ARNT2: variants seen among roughly 807,000 people sequenced by gnomAD.
ARNT2 encodes the protein ARNT protein 2.
Under a neutral mutation model 91.7 loss-of-function variants are expected in ARNT2, and 36 were observed. The ratio of observed to expected loss-of-function variants is 0.39; its 90% confidence interval spans 0.30 to 0.52. The LOEUF (loss-of-function observed/expected upper bound fraction) is 0.52, where lower values mean the gene tolerates loss of function less well. ARNT2 is among the 20% of genes least tolerant of loss of function. The pLI, the probability that ARNT2 is intolerant of heterozygous loss-of-function variation, is 0.72. For missense variants in ARNT2, 775 were observed against 939.3 expected, an observed-to-expected ratio of 0.83 and a Z score of 2.29; for synonymous variants, 365 against 347.1, an observed-to-expected ratio of 1.05 and a Z score of -0.57.
Position 80,597,358 on chromosome 15 carries a change from G to A in ARNT2, c.*3660G>A, listed in dbSNP as rs60225999. On this transcript the variant is annotated 3_prime_UTR_variant, in exon 19 of 19. Coordinates refer to ENST00000303329, the MANE Select transcript of ARNT2 (RefSeq NM_014862.4). Reference sequence around the variant, plus strand: ...CTAGGAATAACAAGTCAGAATAGAAGTGTCCTTTATATTACCAGAAAATAT... The same window carrying A: ...CTAGGAATAACAAGTCAGAATAGAAATGTCCTTTATATTACCAGAAAATAT... 60,623 of 514,226 alleles carry A rather than the reference G, an allele frequency of 0.12. 4,465 individuals are homozygous for A. The highest frequency in any genetic ancestry group is 0.22 in the African/African-American group (11,177 of 51,692). The allele number at this position is 514,226 out of a possible 1,614,324, so 31.9% of individuals were successfully genotyped here. A position where few individuals can be genotyped will look rare whatever the true frequency, so the allele number is the denominator to read the frequency against.
At chr15:80,457,468 T>C (rs1896497236) in intron 2 of ARNT2, among the ~76,000 whole-genome samples, 1 of 152,212 alleles carries the variant, frequency 6.6e-6, no homozygotes, top group South Asian at 2.1e-4. Flanking sequence ...AAAACTTCTG[T>C]TTTCAAAATC....
intron 12 of ARNT2, chr15:80,573,928 T>C: frequency 5.5e-6 from 3 of 546,946 alleles, no homozygotes; most frequent in Non-Finnish European, 9.8e-6. Flanking sequence ...ACGTCAAAAT[T>C]GGTTTCTTAA....
intron 1 of ARNT2, among the ~76,000 whole-genome samples, chr15:80,416,753 C>T (rs1480492398): frequency 2.6e-5 from 4 of 151,948 alleles, no homozygotes; most frequent in Non-Finnish European, 2.9e-5. Flanking sequence ...ATTGGAGTTG[C>T]GCTTTTCTAA....
chr15:80,592,684 A>G (rs1038048897), intron 18 of ARNT2, among the ~76,000 whole-genome samples: 1 of 152,330 alleles, frequency 6.6e-6, no homozygotes, highest in Admixed American at 6.5e-5. Flanking sequence ...CGGCTCACCC[A>G]GGCCTTCGCC....
At chr15:80,583,305 T>A (rs943437046) in intron 17 of ARNT2, among the ~76,000 whole-genome samples, 7 of 152,198 alleles carry the variant, frequency 4.6e-5, no homozygotes, top group African/African-American at 1.7e-4. Flanking sequence ...ACTGTGGCCG[T>A]GACGAGACAG....
chr15:80,510,665 C>T (rs1427650111), intron 6 of ARNT2, among the ~76,000 whole-genome samples: 1 of 151,872 alleles, frequency 6.6e-6, no homozygotes, highest in African/African-American at 2.4e-5. Flanking sequence ...CCCGTCTCTA[C>T]TAAAAATAGA....
At chr15:80,500,052 G>T (rs569067726) in intron 5 of ARNT2, among the ~76,000 whole-genome samples, 100 of 152,270 alleles carry the variant, frequency 6.6e-4, no homozygotes, top group African/African-American at 2.3e-3. Flanking sequence ...GAAGTCTAAG[G>T]AAAATGCACC....
At chr15:80,580,985 C>T in intron 16 of ARNT2, 1 of 545,754 alleles carries the variant, frequency 1.8e-6, no homozygotes, top group Non-Finnish European at 3.3e-6. Flanking sequence ...GCCTTGGTAA[C>T]CAGACTCCAG....
intron 6 of ARNT2, among the ~76,000 whole-genome samples, chr15:80,509,770 T>C (rs1265323584): frequency 1.3e-5 from 2 of 152,072 alleles, no homozygotes; most frequent in Non-Finnish European, 2.9e-5. Flanking sequence ...GTAGAGGGAA[T>C]AGCAAGTGCA....
At chr15:80,453,780 A>G (rs1054412118) in intron 2 of ARNT2, among the ~76,000 whole-genome samples, 10 of 152,140 alleles carry the variant, frequency 6.6e-5, no homozygotes, top group African/African-American at 9.7e-5. Flanking sequence ...AGAGACTCAG[A>G]GAGAGAGGGG....
intron 15 of ARNT2, chr15:80,580,062 G>A (rs1405460879): frequency 5.0e-6 from 1 of 201,528 alleles, no homozygotes; most frequent in African/African-American, 2.3e-5. Flanking sequence ...TTTATTCTAA[G>A]AAGCTTCTCT....
chr15:80,437,891 T>A (rs1896114367), intron 1 of ARNT2, among the ~76,000 whole-genome samples: 1 of 151,690 alleles, frequency 6.6e-6, no homozygotes, highest in Non-Finnish European at 1.5e-5. Flanking sequence ...ATTCAGTTAT[T>A]AGCTTTGTTC....
chr15:80,501,378 A>G lies in ARNT2; in HGVS notation c.623-6778A>G, dbSNP rs778664758. ...GCCTCAGCTAATTAAAATAAAGAAC[A>G]GGCATGCATAGAAAAAGACTGACCA... is the stretch of plus-strand genomic sequence containing the variant. On this transcript the variant is annotated intron_variant, in intron 5 of 18. Transcript: ENST00000303329. 2.0e-5 allele frequency among the ~76,000 whole-genome samples: 3 copies of G among 152,252 alleles called. No individual in the cohort carries two copies. In the South Asian group the frequency reaches 6.2e-4, roughly 31 times the overall value.
intron 1 of ARNT2, among the ~76,000 whole-genome samples, chr15:80,425,325 GT>G (rs1895918012): frequency 6.6e-6 from 1 of 151,958 alleles, no homozygotes; most frequent in Non-Finnish European, 1.5e-5. Flanking sequence ...TTTTGTTTTT[GT>G]TTTTTTGAGT....
chr15:80,505,151 AAGCAAG>A (rs1253533165), intron 5 of ARNT2, among the ~76,000 whole-genome samples: 1 of 152,190 alleles, frequency 6.6e-6, no homozygotes, highest in African/African-American at 2.4e-5. Context: ...ATAATCCTGA[AAGCAAG>A]ATCTTGCTCT....
intron 5 of ARNT2, among the ~76,000 whole-genome samples, chr15:80,495,345 C>T (rs1035946637): frequency 2.6e-5 from 4 of 152,236 alleles, no homozygotes; most frequent in Non-Finnish European, 5.9e-5. Context: ...AGGAGCTCTC[C>T]CGACATGGCT....
At chr15:80,439,591 A>G (rs1431909657) in intron 1 of ARNT2, among the ~76,000 whole-genome samples, 1 of 152,246 alleles carries the variant, frequency 6.6e-6, no homozygotes, top group Non-Finnish European at 1.5e-5. Flanking sequence ...AGTAATTTTT[A>G]TCTGGGAGTA....
At chr15:80,457,369 C>G (rs1163471173) in intron 2 of ARNT2, among the ~76,000 whole-genome samples, 2 of 152,190 alleles carry the variant, frequency 1.3e-5, no homozygotes, top group Non-Finnish European at 2.9e-5. Flanking sequence ...TCTTAAATGT[C>G]CTTTTCACTT....
At chr15:80,491,087 C>G (rs973188098) in intron 5 of ARNT2, among the ~76,000 whole-genome samples, 2 of 152,056 alleles carry the variant, frequency 1.3e-5, no homozygotes, top group African/African-American at 4.8e-5. Flanking sequence ...AGGTCAAGAA[C>G]TTTCCCAGCC....
Sources: allele counts gnomAD v4.1 joint callset (sites outside exome capture counted in the v4.1 genomes callset), GRCh38; gene constraint gnomAD v4.1.1; transcripts MANE v1.5; gene names NCBI Gene and HGNC (gene_info 2026-07-23, HGNC 2026-07-21).